Variants in ABR observed in about 807,000 individuals in gnomAD.
The protein encoded by ABR is active breakpoint cluster region-related protein.
ABR carries 35 observed loss-of-function variants against 107.2 expected under a neutral mutation model. The observed-to-expected ratio is 0.33, with a 90% CI of 0.25 to 0.43. The LOEUF is 0.43. Ranked by LOEUF, ABR falls within the 20% of genes least tolerant of loss-of-function variation. The pLI is 1.00. For synonymous variants in ABR, 498 were observed against 462.0 expected (o/e 1.08, Z -1.00); for missense variants, 815 against 1,115.2 (o/e 0.73, Z 3.83).
At position 1,051,677 on chromosome 17, in the gene ABR, T is replaced by C. The variant is rs966874280; in HGVS notation, c.1562-1043A>G. Among the ~76,000 whole-genome samples, 1 of 152,186 alleles carries C rather than the reference T, an allele frequency of 6.6e-6. No homozygotes were observed. The highest frequency in any genetic ancestry group is 1.5e-5 in the Non-Finnish European group (1 of 68,022). On this transcript the variant is annotated intron_variant, in intron 14 of 22. Transcript: ENST00000302538. The surrounding 1 kb of genome is among the most constrained non-coding windows in gnomAD (Gnocchi z 4.3). ...CTTTGGGACACTATGGCCAACCCTC[T>C]GCAGCGTGAAACAACGTCAGAGGTC...
chr17:1,190,269 C>T (rs1430625212), upstream of ABR, among the ~76,000 whole-genome samples: 1 of 152,220 alleles, frequency 6.6e-6, no homozygotes, highest in Non-Finnish European at 1.5e-5. Context: ...AGAAATGGTT[C>T]AGCCCACTAA....
intron 2 of ABR, among the ~76,000 whole-genome samples, chr17:1,124,629 T>C (rs1224513084): frequency 3.3e-5 from 5 of 152,250 alleles, no homozygotes; most frequent in Admixed American, 1.3e-4. Flanking sequence ...CCTTCTACAA[T>C]GCTTCTCTCT....
At position 1,141,437 on chromosome 17, in the gene ABR, T is replaced by G. The variant is rs1597952969; in HGVS notation, c.62-16070A>C. Among the ~76,000 whole-genome samples the G allele has an allele frequency of 2.0e-5, 3 of 152,296 alleles. No individual in the cohort carries two copies. The South Asian group carries it at 6.2e-4, about 32-fold the overall frequency. On this transcript the variant is annotated intron_variant, in intron 1 of 22. Coordinates refer to ENST00000302538, the MANE Select transcript of ABR (RefSeq NM_021962.5). The stretch of plus-strand genomic sequence containing the variant: ...GACCTTGGGCAAGCTACTTAGCCAT[T>G]CAGAGCCTCAGTTTTCTCATCTCTA...
At chr17:1,082,437 G>C (rs1852783970) in intron 5 of ABR, among the ~76,000 whole-genome samples, 1 of 152,118 alleles carries the variant, frequency 6.6e-6, no homozygotes, top group African/African-American at 2.4e-5. Context: ...TTCCCAGCCA[G>C]GAAGGCTGGG....
chr17:1,107,755 C>T (rs1052850712), intron 2 of ABR, among the ~76,000 whole-genome samples: 5 of 152,230 alleles, frequency 3.3e-5, no homozygotes, highest in Admixed American at 6.5e-5. Context: ...CACGGCCCTA[C>T]GCCAGCACCA....
intron 11 of ABR, 61 bp from the exon 12 acceptor site, chr17:1,058,106 TC>T: frequency 4.4e-6 from 5 of 1,128,164 alleles, no homozygotes; most frequent in Non-Finnish European, 5.3e-6. Context: ...TACTCCCAGA[TC>T]CTGGGGACCC....
chr17:1,120,465 G>A (rs2151435871), intron 2 of ABR, among the ~76,000 whole-genome samples: 1 of 152,202 alleles, frequency 6.6e-6, no homozygotes. Context: ...TTTTAGTAGA[G>A]ACGGGGTTTC....
chr17:1,085,000 C>T lies in ABR; in HGVS notation c.532-1373G>A, dbSNP rs2036499264. Among the ~76,000 whole-genome samples the T allele has an allele frequency of 6.6e-6, 1 of 151,084 alleles. No individual in the cohort carries two copies. Among genetic ancestry groups the T allele is most frequent in the African/African-American group, 2.4e-5 (1 of 40,980 alleles). On this transcript the variant is annotated intron_variant, in intron 4 of 22. Transcript: ENST00000302538. This position sits in a 1 kb window ranked among gnomAD's most constrained non-coding sequence, Gnocchi z 4.2. Reference sequence around the variant, plus strand: ...TATTTTTAGTAGAGACGGCGTTTCTCCATATTGGTCAGGCTGGTCTCAAAC... The same window carrying T: ...TATTTTTAGTAGAGACGGCGTTTCTTCATATTGGTCAGGCTGGTCTCAAAC...
chr17:1,103,059 A>G (rs374937441), intron 2 of ABR, among the ~76,000 whole-genome samples: 223 of 152,290 alleles, frequency 1.5e-3, no homozygotes, highest in African/African-American at 5.1e-3. Context: ...TGTGGTTTTA[A>G]GCCCTTAAGT....
chr17:1,216,441 A>C (rs1409529782), intron 1 of ABR, among the ~76,000 whole-genome samples: 6 of 152,180 alleles, frequency 3.9e-5, no homozygotes, highest in Non-Finnish European at 8.8e-5. Context: ...TCACGTCAGA[A>C]GTGGAGAAAG....
intron 9 of ABR, among the ~76,000 whole-genome samples, chr17:1,068,649 C>T (rs1321168880): frequency 6.6e-6 from 1 of 152,228 alleles, no homozygotes; most frequent in Non-Finnish European, 1.5e-5. Context: ...AGGCACAGAG[C>T]AGACCCACAC....
In ABR at chr17:1,102,129, C is replaced by T. The variant is rs77608592; in HGVS notation, c.247-1394G>A. On this transcript the variant is annotated intron_variant, in intron 2 of 22. Coordinates refer to ENST00000302538, the MANE Select transcript of ABR (RefSeq NM_021962.5). ...AGCCACCTGCAGTGGCCCGGATGCC[C>T]GTCCCTACCCTTCCAGTCTTTCCCA... 7.9e-3 allele frequency among the ~76,000 whole-genome samples: 1,208 copies of T among 152,284 alleles called. 12 individuals carry two copies. Among genetic ancestry groups the T allele is most frequent in the Middle Eastern group, 0.041 (12 of 294 alleles).
At chr17:1,161,479 C>T (rs73277359) in intron 1 of ABR, among the ~76,000 whole-genome samples, 9,492 of 151,738 alleles carry the variant, frequency 0.063, 380 homozygotes, top group Middle Eastern at 0.092. Context: ...CTCTTAGTCT[C>T]GAGCAATCCT....
chr17:1,149,499 C>T (rs1384262623), intron 1 of ABR, among the ~76,000 whole-genome samples: 1 of 149,798 alleles, frequency 6.7e-6, no homozygotes, highest in Non-Finnish European at 1.5e-5. Flanking sequence ...ATCTCAGCAA[C>T]TTCCACCTCC....
chr17:1,114,982 C>G (rs2038917470), intron 2 of ABR, among the ~76,000 whole-genome samples: 1 of 152,218 alleles, frequency 6.6e-6, no homozygotes, highest in African/African-American at 2.4e-5. Context: ...CAAAATCTCT[C>G]TCTCGTGAGA....
chr17:1,212,656 G>A (rs575119159), intron 1 of ABR, among the ~76,000 whole-genome samples: 6 of 152,124 alleles, frequency 3.9e-5, no homozygotes, highest in African/African-American at 7.2e-5. Context: ...TTGGGAGGCC[G>A]AGGCCAGCAG....
At chr17:1,142,558 C>G (rs947968390) in intron 1 of ABR, among the ~76,000 whole-genome samples, 4 of 150,632 alleles carry the variant, frequency 2.7e-5, no homozygotes, top group African/African-American at 9.8e-5. Context: ...GCACTCCAGC[C>G]TGGGCGATAA....
At chr17:1,021,370 C>T (rs548466400) in intron 16 of ABR, among the ~76,000 whole-genome samples, 187 of 152,378 alleles carry the variant, frequency 1.2e-3, no homozygotes, top group Middle Eastern at 6.8e-3. Flanking sequence ...GGAGCCCTGC[C>T]TCCAGGCACA....
At chr17:1,113,053 G>GACCCAATCAGCAAGCATTTGTTAGC (rs1238031443) in intron 2 of ABR, among the ~76,000 whole-genome samples, 3 of 151,932 alleles carry the variant, frequency 2.0e-5, no homozygotes, top group African/African-American at 4.8e-5. Flanking sequence ...TTAGCCGCCT[G>GACCCAATCAGCAAGCATTTGTTAGC]CTGTGCACCA....
Sources: gnomAD v4.1 joint callset for allele counts (sites outside exome capture counted in the v4.1 genomes callset) on GRCh38, gnomAD v4.1.1 for gene constraint, Gnocchi (gnomAD v3.1) non-coding constraint, MANE v1.5 for transcripts, NCBI Gene and HGNC (gene_info 2026-07-23, HGNC 2026-07-21) for gene names.